Variants in FKTN observed in about 807,000 individuals in gnomAD.
FKTN encodes ribitol-5-phosphate transferase FKTN.
FKTN carries 47 observed loss-of-function variants against 58.6 expected under a neutral mutation model. The ratio of observed to expected loss-of-function variants is 0.80; its 90% CI spans 0.63 to 1.02. The LOEUF is 1.02. Among genes scored for constraint, FKTN ranks in the 50% least tolerant of loss-of-function variants. The probability of loss-of-function intolerance (pLI) is 0.00; values close to 1 mark genes in which losing one functional copy is unlikely to be tolerated. For synonymous variants in FKTN, 178 were observed against 191.9 expected (o/e 0.93, Z 0.60); for missense variants, 516 against 537.3 (o/e 0.96, Z 0.39).
intron 7 of FKTN, among the ~76,000 whole-genome samples, chr9:105,614,103 A>AC (rs138440850): frequency 0.014 from 2,104 of 152,288 alleles, 38 homozygotes; most frequent in Middle Eastern, 0.099. Context: ...GTAGTCAGGA[A>AC]CCAGAACACA....
Position 105,639,672 on chromosome 9 carries a change from C to A in FKTN, c.*4408C>A. 1.1e-6 allele frequency: 1 copy of A among 912,100 alleles called. No homozygotes were observed. The highest frequency in any genetic ancestry group is 1.3e-6 in the Non-Finnish European group (1 of 762,820). 56.5% of individuals were successfully genotyped at this position (912,100 alleles called of 1,614,324 possible). ...AAAAAATTGTATCAAGTCATTAATACAATTATACATTAATTATATTACATT... is the reference window on the plus strand; with the variant it reads ...AAAAAATTGTATCAAGTCATTAATAAAATTATACATTAATTATATTACATT... On this transcript the variant is annotated 3_prime_UTR_variant, in exon 11 of 11. Coordinates refer to ENST00000357998, the MANE Select transcript of FKTN (RefSeq NM_001079802.2).
intron 3 of FKTN, among the ~76,000 whole-genome samples, chr9:105,590,784 T>G (rs1844727901): frequency 6.6e-6 from 1 of 152,196 alleles, no homozygotes; most frequent in African/African-American, 2.4e-5. Flanking sequence ...AAGAAATATC[T>G]GAGGCAGGGT....
intron 6 of FKTN, among the ~76,000 whole-genome samples, chr9:105,605,669 T>A (rs183637145): frequency 1.7e-4 from 26 of 152,172 alleles, no homozygotes; most frequent in Non-Finnish European, 3.4e-4. Context: ...TTCTCACTTA[T>A]TTGTGGGAGT....
At chr9:105,618,808 G>A (rs915862132) in intron 9 of FKTN, among the ~76,000 whole-genome samples, 3 of 152,154 alleles carry the variant, frequency 2.0e-5, no homozygotes, top group African/African-American at 4.8e-5. Flanking sequence ...GGTGGCTCAC[G>A]CCTGTAATCC....
intron 10 of FKTN, among the ~76,000 whole-genome samples, chr9:105,622,284 T>C (rs1564337418): frequency 6.6e-6 from 1 of 152,020 alleles, no homozygotes; most frequent in Non-Finnish European, 1.5e-5. Context: ...TTATTTTATA[T>C]ATAGTTCATT....
At chr9:105,628,623 A>G (rs1041676936) in intron 10 of FKTN, among the ~76,000 whole-genome samples, 1 of 152,240 alleles carries the variant, frequency 6.6e-6, no homozygotes, top group African/African-American at 2.4e-5. Context: ...ACAGATGTTT[A>G]TAGCAGTCTT....
rs1834325617 is a variant in FKTN at position 105,640,203 on chromosome 9, C to A, written c.*4939C>A. 12 of 1,522,818 alleles carry A rather than the reference C, an allele frequency of 7.9e-6. No homozygotes were observed. The South Asian group carries it at 1.5e-4, about 19-fold the overall frequency. The allele number at this position is 1,522,818 out of a possible 1,614,324, so 94.3% of individuals were successfully genotyped here. A position where few individuals can be genotyped will look rare whatever the true frequency, so the allele number is the denominator to read the frequency against. On this transcript the variant is annotated 3_prime_UTR_variant, in exon 11 of 11. Transcript: ENST00000357998. ...GAAACAGACTAATTCAATGGCAATA[C>A]CTTTTGTATAGGTCCTGTGCTTAAA...
Position 105,636,436 on chromosome 9 carries a change from G to A in FKTN, c.*1172G>A. 1.0e-6 allele frequency: 1 copy of A among 991,340 alleles called. No individual in the cohort carries two copies. Among genetic ancestry groups the A allele is most frequent in the Non-Finnish European group, 1.2e-6 (1 of 833,184 alleles). The allele number at this position is 991,340 out of a possible 1,614,324, so 61.4% of individuals were successfully genotyped here. A position where few individuals can be genotyped will look rare whatever the true frequency, so the allele number is the denominator to read the frequency against. ...AGATCATAGAGTTTGTAAAGTTTGT[G>A]TCCCTCCCCAGTTTTTCAGTCTGTT... On this transcript the variant is annotated 3_prime_UTR_variant, in exon 11 of 11. Coordinates refer to ENST00000357998, the MANE Select transcript of FKTN (RefSeq NM_001079802.2).
At chr9:105,593,507 A>G (rs1845281703) in intron 3 of FKTN, among the ~76,000 whole-genome samples, 1 of 152,222 alleles carries the variant, frequency 6.6e-6, no homozygotes, top group Admixed American at 6.5e-5. Context: ...AAGTCTGGGT[A>G]GAGTGGGTTG....
At chr9:105,611,403 A>G (rs1829884049) in intron 7 of FKTN, among the ~76,000 whole-genome samples, 1 of 152,118 alleles carries the variant, frequency 6.6e-6, no homozygotes, top group Non-Finnish European at 1.5e-5. Flanking sequence ...AGTTTGTTAC[A>G]TAGGTAAACT....
Position 105,575,104 on chromosome 9 carries a change from G to A in FKTN, c.72G>A (p.Gln24=), listed in dbSNP as rs1368119123. The part of the protein sequence containing the change: ...TLTSSAFLLF[Q]LYYYKHYLST... ...CAAGTTCTGCATTTCTGCTGTTTCAGTTGTACTACTACAAGCACTATTTAT... is the reference window on the plus strand; with the variant it reads ...CAAGTTCTGCATTTCTGCTGTTTCAATTGTACTACTACAAGCACTATTTAT... Residue 24 remains glutamine, a synonymous_variant, in exon 3 of 11, where the codon CAG becomes CAA. Coordinates refer to ENST00000357998, the MANE Select transcript of FKTN (RefSeq NM_001079802.2). 6.2e-7 allele frequency: 1 copy of A among 1,608,022 alleles called. No homozygotes were observed. Among genetic ancestry groups the A allele is most frequent in the South Asian group, 1.1e-5 (1 of 90,958 alleles).
rs1287785960 is a variant in FKTN at position 105,638,788 on chromosome 9, G to C, written c.*3524G>C. 1 of 981,484 alleles carries C rather than the reference G, an allele frequency of 1.0e-6. No homozygotes were observed. The highest frequency in any genetic ancestry group is 1.2e-6 in the Non-Finnish European group (1 of 826,600). 60.8% of individuals were successfully genotyped at this position (981,484 alleles called of 1,614,324 possible). On this transcript the variant is annotated 3_prime_UTR_variant, in exon 11 of 11. Transcript: ENST00000357998. ...ATATTGATACTCTCTGATAAATGCA[G>C]GTAGTTAAGAATAGATTGTACTCAT...
intron 1 of FKTN, among the ~76,000 whole-genome samples, chr9:105,573,089 G>A (rs1192505121): frequency 6.6e-6 from 1 of 151,964 alleles, no homozygotes; most frequent in Non-Finnish European, 1.5e-5. Context: ...ACAAAAATTA[G>A]CCGAGTGTGG....
At chr9:105,567,033 A>C (rs1839775210) in intron 1 of FKTN, among the ~76,000 whole-genome samples, 1 of 152,238 alleles carries the variant, frequency 6.6e-6, no homozygotes, top group Non-Finnish European at 1.5e-5. Context: ...AAACAGAACC[A>C]ACAACAAAAG....
intron 3 of FKTN, among the ~76,000 whole-genome samples, chr9:105,584,366 C>T (rs1052341597): frequency 6.6e-6 from 1 of 151,812 alleles, no homozygotes; most frequent in Non-Finnish European, 1.5e-5. Flanking sequence ...AATCTTTGAA[C>T]AGAAGTGGTA....
intron 3 of FKTN, among the ~76,000 whole-genome samples, chr9:105,577,540 G>T (rs1841970448): frequency 7.0e-6 from 1 of 142,992 alleles, no homozygotes; most frequent in South Asian, 2.2e-4. Flanking sequence ...CTCTGTTTTG[G>T]TACCAGTACC....
chr9:105,590,474 C>G (rs1175850746), intron 3 of FKTN, among the ~76,000 whole-genome samples: 2 of 152,052 alleles, frequency 1.3e-5, no homozygotes, highest in African/African-American at 2.4e-5. Flanking sequence ...GAAGGCTATT[C>G]TAGTAATTTA....
chr9:105,625,962 T>G (rs1271962635), intron 10 of FKTN, among the ~76,000 whole-genome samples: 1 of 152,216 alleles, frequency 6.6e-6, no homozygotes, highest in Non-Finnish European at 1.5e-5. Context: ...TTTTACCTGT[T>G]TTTTTATTTT....
chr9:105,564,520 A>G (rs1036477884), intron 1 of FKTN, among the ~76,000 whole-genome samples: 4 of 152,240 alleles, frequency 2.6e-5, no homozygotes, highest in Admixed American at 2.6e-4. Flanking sequence ...TCAGTAGCCG[A>G]TTTGATCAAC....
Sources: allele counts gnomAD v4.1 joint callset (sites outside exome capture counted in the v4.1 genomes callset), GRCh38; gene constraint gnomAD v4.1.1; transcripts MANE v1.5; gene names NCBI Gene and HGNC (gene_info 2026-07-23, HGNC 2026-07-21).